NR3C1: variants seen among roughly 807,000 people sequenced by gnomAD.
NR3C1 encodes the protein glucocorticoid receptor.
NR3C1 carries 14 observed loss-of-function variants against 74.0 expected under a neutral mutation model. That is an observed-to-expected ratio of 0.19 (90% CI 0.12 to 0.30). The LOEUF (loss-of-function observed/expected upper bound fraction) is 0.30. Ranked by LOEUF, NR3C1 falls within the 10% of genes least tolerant of loss-of-function variation. The probability of loss-of-function intolerance (pLI) is 1.00; values close to 1 mark genes in which losing one functional copy is unlikely to be tolerated. For missense variants in NR3C1, 695 were observed against 909.8 expected (o/e 0.76, Z 3.04); for synonymous variants, 308 against 332.5 (o/e 0.93, Z 0.80).
intron 2 of NR3C1, among the ~76,000 whole-genome samples, chr5:143,382,701 T>G (rs867657568): frequency 5.3e-5 from 8 of 152,368 alleles, no homozygotes; most frequent in Middle Eastern, 3.4e-3. Flanking sequence ...CCTAGTTTCC[T>G]CATATGAAGT....
intron 1 of NR3C1, among the ~76,000 whole-genome samples, chr5:143,419,257 C>A (rs1257180874): frequency 6.6e-6 from 1 of 152,182 alleles, no homozygotes; most frequent in Admixed American, 6.5e-5. Context: ...CAACAACATG[C>A]TGTTATACCT....
At chr5:143,375,373 TAC>T (rs1038979135) in intron 2 of NR3C1, among the ~76,000 whole-genome samples, 2 of 152,104 alleles carry the variant, frequency 1.3e-5, no homozygotes, top group African/African-American at 4.8e-5. Flanking sequence ...CAAAGATACA[TAC>T]ACAGATACAC....
intron 2 of NR3C1, among the ~76,000 whole-genome samples, chr5:143,385,065 T>C (rs1250365700): frequency 6.6e-6 from 1 of 152,214 alleles, no homozygotes. Context: ...CAACACCACA[T>C]GAAGGCTGCC....
At chr5:143,316,054 C>T (rs921864532) in intron 2 of NR3C1, among the ~76,000 whole-genome samples, 5 of 152,304 alleles carry the variant, frequency 3.3e-5, no homozygotes, top group Admixed American at 6.5e-5. Flanking sequence ...TAGATTTGGG[C>T]GAGTGGACTG....
chr5:143,394,713 C>T lies in NR3C1; in HGVS notation c.1184+4943G>A, dbSNP rs566320990. On this transcript the variant is annotated intron_variant, in intron 2 of 8. Transcript: ENST00000394464. ...AACTCAAAAATTAGTATTATATAGCCATGGTCAGTTTTAGATTTCTACCTG... is the reference window on the plus strand; with the variant it reads ...AACTCAAAAATTAGTATTATATAGCTATGGTCAGTTTTAGATTTCTACCTG... 7.9e-5 allele frequency among the ~76,000 whole-genome samples: 12 copies of T among 151,932 alleles called. No individual in the cohort carries two copies. The South Asian group carries it at 2.5e-3, about 32-fold the overall frequency.
At chr5:143,355,035 G>C (rs920079568) in intron 2 of NR3C1, among the ~76,000 whole-genome samples, 1 of 151,694 alleles carries the variant, frequency 6.6e-6, no homozygotes, top group Non-Finnish European at 1.5e-5. Context: ...GTGACACAGA[G>C]ACACAAAATG....
At chr5:143,325,403 C>A in intron 2 of NR3C1, among the ~76,000 whole-genome samples, 1 of 152,152 alleles carries the variant, frequency 6.6e-6, no homozygotes, top group East Asian at 1.9e-4. Flanking sequence ...TCAATTAGCT[C>A]CCCCTGGGTC....
intron 1 of NR3C1, among the ~76,000 whole-genome samples, chr5:143,415,410 G>C (rs1292409093): frequency 6.6e-6 from 1 of 152,136 alleles, no homozygotes; most frequent in Non-Finnish European, 1.5e-5. Flanking sequence ...AGCTAGATAA[G>C]AGGAATGAGT....
intron 7 of NR3C1, chr5:143,294,008 A>G (rs767402350): frequency 2.0e-6 from 2 of 985,278 alleles, no homozygotes; most frequent in Non-Finnish European, 1.2e-6. Flanking sequence ...AGGTAACATT[A>G]AACGTCTCTA....
intron 2 of NR3C1, among the ~76,000 whole-genome samples, chr5:143,325,520 G>C (rs990683517): frequency 1.3e-5 from 2 of 152,216 alleles, no homozygotes; most frequent in African/African-American, 4.8e-5. Flanking sequence ...GACTGCCACA[G>C]TATCACAGTG....
chr5:143,310,061 CA>C, intron 4 of NR3C1, 35 bp downstream of exon 4: 1 of 1,452,696 alleles, frequency 6.9e-7, no homozygotes, highest in Non-Finnish European at 9.7e-7. Flanking sequence ...TTATAAGCTA[CA>C]GAGACAAACA....
chr5:143,298,803 T>C lies in NR3C1; in HGVS notation c.1757A>G (p.Asn586Ser). The C allele has an allele frequency of 1.9e-6, 3 of 1,613,300 alleles. No individual in the cohort carries two copies. The highest frequency in any genetic ancestry group is 2.5e-6 in the Non-Finnish European group (3 of 1,179,662). Reference sequence around the variant, plus strand: ...GGTCATTTGGTCATCCAGGTGTAAGTTCCTGAAACCTGAATTAAGAGAAAT... The same window carrying C: ...GGTCATTTGGTCATCCAGGTGTAAGCTCCTGAAACCTGAATTAAGAGAAAT... ...KWAKAIPGFR[N>S]LHLDDQMTLL... Residue 586 changes from asparagine (N) to serine (S), a missense_variant, in exon 6 of 9, where the codon AAC (asparagine) becomes AGC (serine). Physicochemically the swap from Asn to Ser is conservative, Grantham distance 46. This residue lies in a region of NR3C1 where 133 missense variants were observed against 287.9 expected (regional missense o/e 0.46). Transcript: ENST00000394464.
At chr5:143,365,461 T>C (rs1833024549) in intron 2 of NR3C1, among the ~76,000 whole-genome samples, 1 of 152,188 alleles carries the variant, frequency 6.6e-6, no homozygotes, top group African/African-American at 2.4e-5. Flanking sequence ...AATCAATCTA[T>C]CAAGAAGATA....
Position 143,318,952 on chromosome 5 carries a change from G to C in NR3C1, c.1185-4784C>G, listed in dbSNP as rs1237748972. Among the ~76,000 whole-genome samples the C allele has an allele frequency of 2.6e-5, 4 of 152,138 alleles. No homozygotes were observed. The East Asian group carries it at 7.7e-4, about 29-fold the overall frequency. Reference sequence around the variant, plus strand: ...GAATACAGTAACTACTGTATACTAAGATGCCAACAGTTTTACTCATCTTTG... The same window carrying C: ...GAATACAGTAACTACTGTATACTAACATGCCAACAGTTTTACTCATCTTTG... On this transcript the variant is annotated intron_variant, in intron 2 of 8. Coordinates refer to ENST00000394464, the MANE Select transcript of NR3C1 (RefSeq NM_000176.3).
chr5:143,303,864 C>G (rs894815425), intron 4 of NR3C1, among the ~76,000 whole-genome samples: 2 of 152,002 alleles, frequency 1.3e-5, no homozygotes, highest in South Asian at 2.1e-4. Flanking sequence ...GCGATAAAAT[C>G]CAGCATCTCT....
At position 143,279,027 on chromosome 5, in the gene NR3C1, C is replaced by T; in HGVS notation, c.*2862G>A. The stretch of plus-strand genomic sequence containing the variant: ...AGAATACCTACAAACACTAAAAATA[C>T]TTTTCAGGATTTGTTGTGAGTAACC... On this transcript the variant is annotated 3_prime_UTR_variant, in exon 9 of 9. Coordinates refer to ENST00000394464, the MANE Select transcript of NR3C1 (RefSeq NM_000176.3). The T allele has an allele frequency of 3.4e-6, 1 of 292,256 alleles. No homozygotes were observed. Among genetic ancestry groups the T allele is most frequent in the Non-Finnish European group, 6.3e-6 (1 of 158,718 alleles). 18.1% of individuals were successfully genotyped at this position (292,256 alleles called of 1,614,324 possible). A position where few individuals can be genotyped will look rare whatever the true frequency, so the allele number is the denominator to read the frequency against.
Position 143,281,660 on chromosome 5 carries a change from T to G in NR3C1, c.*229A>C. 2.0e-6 allele frequency: 1 copy of G among 494,388 alleles called. No individual in the cohort carries two copies. The highest frequency in any genetic ancestry group is 3.7e-6 in the Non-Finnish European group (1 of 273,944). 30.6% of individuals were successfully genotyped at this position (494,388 alleles called of 1,614,324 possible). ...CTAATTTCTGGGATATATTAACTAA[T>G]AAATTTCACCATCTACTCTCCCATC... On this transcript the variant is annotated 3_prime_UTR_variant, in exon 9 of 9. Transcript: ENST00000394464.
chr5:143,409,639 G>T (rs1246688793), intron 1 of NR3C1, among the ~76,000 whole-genome samples: 1 of 152,190 alleles, frequency 6.6e-6, no homozygotes, highest in African/African-American at 2.4e-5. Flanking sequence ...AAGGTAAGAG[G>T]TTCAAGGGAA....
rs1167022321 is a variant in NR3C1, at chr5:143,278,804, G to A, written c.*3085C>T. ...GAATTGCTCCCTGCCTCTGAATTCT[G>A]AAGGGAGCGTGGCTTTCCTTCATGG... On this transcript the variant is annotated 3_prime_UTR_variant, in exon 9 of 9. Transcript: ENST00000394464. The A allele has an allele frequency of 1.3e-5, 2 of 152,186 alleles. No homozygotes were observed. Among genetic ancestry groups the A allele is most frequent in the African/African-American group, 4.8e-5 (2 of 41,426 alleles). The allele number at this position is 152,186 out of a possible 1,614,324, so 9.4% of individuals were successfully genotyped here.
Sources: gnomAD v4.1 joint callset for allele counts (sites outside exome capture counted in the v4.1 genomes callset) on GRCh38, gnomAD v4.1.1 for gene constraint, gnomAD v4.1.1 regional missense constraint, MANE v1.5 for transcripts, NCBI Gene and HGNC (gene_info 2026-07-23, HGNC 2026-07-21) for gene names.